Variants in ZNF836 observed in about 807,000 individuals in gnomAD.
The protein encoded by ZNF836 is zinc finger protein 836.
In ZNF836, 12 loss-of-function variants were observed where a neutral mutation model predicts 7.4. That is an observed-to-expected ratio of 1.61 (90% confidence interval 1.03 to 2.61). The LOEUF is 2.61. ZNF836 is among the 30% of genes most tolerant of loss of function. The pLI is 0.00. For synonymous variants in ZNF836, 365 were observed against 382.6 expected (o/e 0.95, Z 0.54); for missense variants, 998 against 1,126.2 (o/e 0.89, Z 1.63).
intron 4 of ZNF836, 42 bp downstream of exon 4, chr19:52,160,423 C>T: frequency 6.2e-7 from 1 of 1,613,610 alleles, no homozygotes; most frequent in East Asian, 2.2e-5. Context: ...TACAAAAATA[C>T]ACGAGGGCAG....
chr19:52,157,639 C>T (rs771410397), intron 4 of ZNF836, 99 bp from the exon 5 acceptor site: 1 of 1,179,358 alleles, frequency 8.5e-7, no homozygotes, highest in Non-Finnish European at 1.1e-6. Flanking sequence ...GGCACAATCT[C>T]AGCTCACTGT....
Position 52,158,155 on chromosome 19 carries a change from A to G in ZNF836, c.143-615T>C, listed in dbSNP as rs146573144. ...TGCAAACATATATTAGCACTAAAAC[A>G]AGTATTTTTCCACCATGCCCCCAAA... On this transcript the variant is annotated intron_variant, in intron 4 of 4. Coordinates refer to ENST00000682614, the MANE Select transcript of ZNF836 (RefSeq NM_001102657.3). 3.7e-3 allele frequency among the ~76,000 whole-genome samples: 565 copies of G among 152,312 alleles called. 4 individuals are homozygous for G. Among genetic ancestry groups the G allele is most frequent in the Middle Eastern group, 0.02 (6 of 294 alleles).
At position 52,157,323 on chromosome 19, in the gene ZNF836, A is replaced by G; in HGVS notation, c.360T>C (p.Leu120=). 1 of 1,604,504 alleles carries G rather than the reference A, an allele frequency of 6.2e-7. No homozygotes were observed. The highest frequency in any genetic ancestry group is 8.5e-7 in the Non-Finnish European group (1 of 1,176,682). The change falls in exon 5 of 5, where the codon CTT becomes CTC. Residue 120 remains leucine (L), a synonymous_variant. Transcript: ENST00000682614. ...GACTATGTTGACCTCTTTTACCATT[A>G]AGATTGTTTTTATAGGTCATTGGCA... ...KEVPMTYKNN[L]NGKRGQHSQE... is the part of the protein sequence containing the mutation.
At chr19:52,166,809 G>A (rs1425658513) in intron 3 of ZNF836, among the ~76,000 whole-genome samples, 1 of 151,250 alleles carries the variant, frequency 6.6e-6, no homozygotes, top group Non-Finnish European at 1.5e-5. Flanking sequence ...TCGATCTCCT[G>A]ACCTCGTGAT....
chr19:52,160,220 G>T, intron 4 of ZNF836: 1 of 560,002 alleles, frequency 1.8e-6, no homozygotes. Flanking sequence ...CCATTATACT[G>T]ACTAATACTT....
intron 3 of ZNF836, among the ~76,000 whole-genome samples, chr19:52,163,631 G>A (rs2089233931): frequency 1.3e-5 from 2 of 152,220 alleles, no homozygotes; most frequent in African/African-American, 4.8e-5. Flanking sequence ...GATGAGATTT[G>A]GGTGGAGACA....
At position 52,168,084 on chromosome 19, in the gene ZNF836, T is replaced by C; in HGVS notation, c.-12A>G. ...TGTGTAAGAGCCATCCCTGACTCCTTTTCTTTCCTCTTCTTCCTCTTCTGG... is the reference window on the plus strand; with the variant it reads ...TGTGTAAGAGCCATCCCTGACTCCTCTTCTTTCCTCTTCTTCCTCTTCTGG... On this transcript the variant is annotated 5_prime_UTR_variant, in exon 3 of 5. Transcript: ENST00000682614. The C allele has an allele frequency of 1.2e-6, 2 of 1,612,242 alleles. No individual in the cohort carries two copies. The highest frequency in any genetic ancestry group is 8.5e-7 in the Non-Finnish European group (1 of 1,178,900).
intron 4 of ZNF836, among the ~76,000 whole-genome samples, chr19:52,160,001 G>A (rs958034506): frequency 6.6e-6 from 1 of 151,954 alleles, no homozygotes; most frequent in African/African-American, 2.4e-5. Context: ...TGGGCAACAT[G>A]GTGAAACTCC....
chr19:52,157,908 T>C (rs1000381772), intron 4 of ZNF836, among the ~76,000 whole-genome samples: 2 of 152,138 alleles, frequency 1.3e-5, no homozygotes, highest in African/African-American at 4.8e-5. Flanking sequence ...ATTTGTTTTT[T>C]TTTAAATAAC....
At chr19:52,158,588 C>G (rs1275790601) in intron 4 of ZNF836, among the ~76,000 whole-genome samples, 2 of 151,792 alleles carry the variant, frequency 1.3e-5, no homozygotes, top group African/African-American at 4.8e-5. Context: ...ACTAAAAATA[C>G]AAAAATTAGC....
Position 52,155,468 on chromosome 19 carries a change from A to T in ZNF836, c.2215T>A (p.Tyr739Asn). 6.2e-7 allele frequency: 1 copy of T among 1,613,970 alleles called. No homozygotes were observed. Among genetic ancestry groups the T allele is most frequent in the South Asian group, 1.1e-5 (1 of 91,082 alleles). Residue 739 changes from tyrosine (Y) to asparagine (N), a missense_variant, in exon 5 of 5, where the codon TAC (tyrosine) becomes AAC (asparagine). Coordinates refer to ENST00000682614, the MANE Select transcript of ZNF836 (RefSeq NM_001102657.3). Reference sequence around the variant, plus strand: ...TCTCCAGTATGCCTTCTCTGATGGTACGTCAGGCCTGTTATATGACTAAAA... The same window carrying T: ...TCTCCAGTATGCCTTCTCTGATGGTTCGTCAGGCCTGTTATATGACTAAAA... ...RTFSHITGLT[Y>N]HQRRHTGEMP...
chr19:52,156,485 T>C lies in ZNF836; in HGVS notation c.1198A>G (p.Asn400Asp). 6.2e-7 allele frequency: 1 copy of C among 1,614,148 alleles called. No individual in the cohort carries two copies. Among genetic ancestry groups the C allele is most frequent in the Non-Finnish European group, 8.5e-7 (1 of 1,180,026 alleles). The part of the protein sequence containing the change: ...ICGKSFSQSS[N>D]LATHQTVHSG... ...TGAACTGTCTGATGAGTTGCCAGGT[T>C]GGAACTTTGACTAAAGGACTTTCCA... The change falls in exon 5 of 5, where the codon AAC (asparagine) becomes GAC (aspartate). Residue 400 changes from asparagine (N) to aspartate (D), a missense_variant. Asn to Asp is a conservative substitution (Grantham distance 23, BLOSUM62 1). Transcript: ENST00000682614.
chr19:52,163,777 G>T (rs2089235285), intron 3 of ZNF836, among the ~76,000 whole-genome samples: 1 of 152,102 alleles, frequency 6.6e-6, no homozygotes, highest in African/African-American at 2.4e-5. Flanking sequence ...AAAGACACTA[G>T]GTAAGATCTA....
rs562602665 is a variant in ZNF836 at position 52,161,118 on chromosome 19, T to C, written c.16-527A>G. Among the ~76,000 whole-genome samples the C allele has an allele frequency of 1.3e-5, 2 of 152,344 alleles. No individual in the cohort carries two copies. Among genetic ancestry groups the C allele is most frequent in the East Asian group, 3.9e-4 (2 of 5,188 alleles). On this transcript the variant is annotated intron_variant, in intron 3 of 4. Transcript: ENST00000682614. This position sits in a 1 kb window ranked among gnomAD's most constrained non-coding sequence, Gnocchi z 4.1. The stretch of plus-strand genomic sequence containing the variant: ...ATAGAGAGATTTGTTCCCATGTTAC[T>C]AGGAGACAACTATGTCACAGAAAAC...
intron 2 of ZNF836, among the ~76,000 whole-genome samples, chr19:52,169,132 T>C (rs1382743348): frequency 6.6e-6 from 1 of 152,202 alleles, no homozygotes; most frequent in Non-Finnish European, 1.5e-5. Context: ...AAAATGACAA[T>C]ACTTAACATT....
At chr19:52,165,798 G>A (rs1211596756) in intron 3 of ZNF836, among the ~76,000 whole-genome samples, 1 of 152,004 alleles carries the variant, frequency 6.6e-6, no homozygotes, top group Non-Finnish European at 1.5e-5. Flanking sequence ...CTACTACTAT[G>A]TTTCTTTTAG....
In ZNF836 at chr19:52,155,802, A is replaced by G; in HGVS notation, c.1881T>C (p.Asn627=). ...KVFNDSGNLS[N]HKRIHTGEKP... is the part of the protein sequence containing the mutation. ...TCTCTCCAGTATGAATTCTCTTATG[A>G]TTTGAAAGGTTTCCACTGTCATTGA... is the stretch of plus-strand genomic sequence containing the variant. The change falls in exon 5 of 5, where the codon AAT becomes AAC. Residue 627 remains asparagine (N), a synonymous_variant. Coordinates refer to ENST00000682614, the MANE Select transcript of ZNF836 (RefSeq NM_001102657.3). The G allele has an allele frequency of 2.5e-6, 4 of 1,613,886 alleles. No homozygotes were observed. Among genetic ancestry groups the G allele is most frequent in the Non-Finnish European group, 3.4e-6 (4 of 1,179,864 alleles).
chr19:52,168,704 T>C (rs529103130), intron 2 of ZNF836, among the ~76,000 whole-genome samples: 23 of 152,326 alleles, frequency 1.5e-4, no homozygotes, highest in African/African-American at 4.6e-4. Context: ...ATATGTATAA[T>C]GGACTTATTC....
At chr19:52,170,099 A>G (rs752434213) in intron 1 of ZNF836, among the ~76,000 whole-genome samples, 2 of 149,760 alleles carry the variant, frequency 1.3e-5, no homozygotes, top group Admixed American at 6.6e-5. Flanking sequence ...TCCATATCCA[A>G]TCAACTCATC....
Sources: gnomAD v4.1 joint callset for allele counts (sites outside exome capture counted in the v4.1 genomes callset) on GRCh38, gnomAD v4.1.1 for gene constraint, Gnocchi (gnomAD v3.1) non-coding constraint, MANE v1.5 for transcripts, NCBI Gene and HGNC (gene_info 2026-07-23, HGNC 2026-07-21) for gene names.